ELP1: variants seen among roughly 807,000 people sequenced by gnomAD.
ELP1 encodes elongator acetyltransferase complex subunit 1.
ELP1 carries 131 observed loss-of-function variants against 183.2 expected under a neutral mutation model. The ratio of observed to expected loss-of-function variants is 0.72; its 90% CI spans 0.62 to 0.83. ELP1 has a LOEUF of 0.83. Ranked by LOEUF, ELP1 falls within the 40% of genes least tolerant of loss-of-function variation. ELP1 has a pLI of 0.00. For synonymous variants in ELP1, 555 were observed against 569.0 expected, an observed-to-expected ratio of 0.98 and a Z score of 0.35; for missense variants, 1,550 against 1,594.9, an observed-to-expected ratio of 0.97 and a Z score of 0.48.
intron 9 of ELP1, among the ~76,000 whole-genome samples, chr9:108,916,608 G>C (rs1039134036): frequency 6.6e-6 from 1 of 152,140 alleles, no homozygotes; most frequent in Non-Finnish European, 1.5e-5. Context: ...ACAACACAGA[G>C]ATAAGATGTA....
chr9:108,916,722 G>A (rs1312326531), intron 9 of ELP1, among the ~76,000 whole-genome samples: 3 of 152,142 alleles, frequency 2.0e-5, no homozygotes, highest in African/African-American at 7.2e-5. Context: ...AAAAATATAT[G>A]TAAGTATATA....
intron 27 of ELP1, 30 bp from the exon 28 acceptor site, chr9:108,891,434 A>G (rs751797192): frequency 6.3e-7 from 1 of 1,592,170 alleles, no homozygotes; most frequent in Non-Finnish European, 8.6e-7. Context: ...AGGACTGAGG[A>G]GGAAATATGA....
rs966574953 is a variant in ELP1 at position 108,898,661 on chromosome 9, A to G, written c.2283+10T>C. The stretch of plus-strand genomic sequence containing the variant: ...AGTAAGCTAGAGTAAATGACAGCTT[A>G]GAAAGTTACCTTAGGGTTATGATCA... On this transcript the variant is annotated intron_variant, in intron 21 of 36. Coordinates refer to ENST00000374647, the MANE Select transcript of ELP1 (RefSeq NM_003640.5). 3 of 1,610,446 alleles carry G rather than the reference A, an allele frequency of 1.9e-6. No homozygotes were observed. Among genetic ancestry groups the G allele is most frequent in the Middle Eastern group, 1.7e-4 (1 of 5,960 alleles).
chr9:108,882,041 A>G (rs2118946850), intron 30 of ELP1, 84 bp downstream of exon 30: 4 of 1,116,688 alleles, frequency 3.6e-6, no homozygotes, highest in Non-Finnish European at 5.5e-6. Context: ...ACCTCAGAAG[A>G]CAAGAGATTC....
Position 108,918,817 on chromosome 9 carries a change from G to A in ELP1, c.734C>T (p.Ala245Val). 2 of 1,613,138 alleles carry A rather than the reference G, an allele frequency of 1.2e-6. No individual in the cohort carries two copies. The part of the protein sequence containing the change: ...EPVAGLGPAL[A>V]WKPSGSLIAS... The stretch of plus-strand genomic sequence containing the variant: ...GGTTTCTTCTCCCACTCACTTCCAA[G>A]CCAGGGCTGGTCCCAGTCCTGCCAC... Residue 245 changes from alanine to valine, a missense_variant, in exon 8 of 37, where the codon GCT (alanine) becomes GTT (valine). By Grantham distance (64) the Ala-to-Val change is moderately conservative. Transcript: ENST00000374647.
At chr9:108,928,092 T>C (rs554400421) in intron 3 of ELP1, among the ~76,000 whole-genome samples, 2 of 152,370 alleles carry the variant, frequency 1.3e-5, no homozygotes, top group East Asian at 3.9e-4. Flanking sequence ...CTATTCTCCA[T>C]GATGTGGTTA....
chr9:108,888,486 A>G (rs1828209070), intron 29 of ELP1, among the ~76,000 whole-genome samples: 1 of 152,226 alleles, frequency 6.6e-6, no homozygotes, highest in Non-Finnish European at 1.5e-5. Flanking sequence ...CTTTACAAAG[A>G]AAAAAAGATA....
intron 12 of ELP1, among the ~76,000 whole-genome samples, chr9:108,910,198 G>A (rs893951257): frequency 6.6e-6 from 1 of 152,138 alleles, no homozygotes; most frequent in African/African-American, 2.4e-5. Flanking sequence ...AAGGAGGACT[G>A]TAACAGCATT....
chr9:108,892,073 C>T (rs1332821180), intron 27 of ELP1, among the ~76,000 whole-genome samples: 2 of 152,192 alleles, frequency 1.3e-5, no homozygotes, highest in Admixed American at 6.5e-5. Context: ...AGGAATACAA[C>T]ATGGAGTCCC....
At chr9:108,892,804 C>T (rs1828394258) in intron 27 of ELP1, among the ~76,000 whole-genome samples, 182 bp downstream of exon 27, 1 of 152,066 alleles carries the variant, frequency 6.6e-6, no homozygotes, top group African/African-American at 2.4e-5. Flanking sequence ...TGTGGTATTC[C>T]AGATGAGGAA....
rs376699949 is a variant in ELP1 at position 108,901,431 on chromosome 9, A to G, written c.2008T>C (p.Phe670Leu). The change falls in exon 18 of 37, where the codon TTT becomes CTT. Residue 670 changes from phenylalanine to leucine, a missense_variant. Transcript: ENST00000374647. ...CQCFCLRDAS[F>L]KTLQAGLSSN... ...TTATACATTGAAAACTTACTTTTAA[A>G]TGAAGCATCCCTCAGGCAAAAACAC... 1.8e-5 allele frequency: 29 copies of G among 1,608,748 alleles called. No homozygotes were observed. Among genetic ancestry groups the G allele is most frequent in the Non-Finnish European group, 2.5e-5 (29 of 1,175,140 alleles).
At chr9:108,926,633 G>T in intron 4 of ELP1, 30 bp from the exon 5 acceptor site, 1 of 1,578,828 alleles carries the variant, frequency 6.3e-7, no homozygotes, top group South Asian at 1.1e-5. Flanking sequence ...AAATGATTTT[G>T]TTTTCATGTA....
intron 14 of ELP1, 45 bp from the exon 15 acceptor site, chr9:108,903,714 C>G: frequency 1.5e-6 from 2 of 1,360,878 alleles, no homozygotes; most frequent in Non-Finnish European, 2.1e-6. Flanking sequence ...CCATTTTTCT[C>G]AAAAATAGTG....
At chr9:108,890,232 C>G (rs1465382179) in intron 28 of ELP1, among the ~76,000 whole-genome samples, 1 of 152,018 alleles carries the variant, frequency 6.6e-6, no homozygotes, top group Non-Finnish European at 1.5e-5. Flanking sequence ...GAATTCTCGA[C>G]ATTTGTAAAA....
At chr9:108,884,062 A>G (rs1828030800) in intron 29 of ELP1, among the ~76,000 whole-genome samples, 1 of 152,074 alleles carries the variant, frequency 6.6e-6, no homozygotes, top group Non-Finnish European at 1.5e-5. Context: ...TAAAGACTAC[A>G]TTCAGCTAGA....
At position 108,906,321 on chromosome 9, in the gene ELP1, T is replaced by C; in HGVS notation, c.1625A>G (p.His542Arg). ...GCAATACCTGACATTGAGCTGTCCA[T>C]GCTCTTCATCCATCTCAGAAGAAGC... Reference protein sequence around the residue: ...TAASSEMDEEHGQLNVSSSAA... With the variant: ...TAASSEMDEERGQLNVSSSAA... The change falls in exon 14 of 37, where the codon CAT becomes CGT. Residue 542 changes from histidine (H) to arginine (R), a missense_variant. By Grantham distance (29) the His-to-Arg change is conservative. Transcript: ENST00000374647. The C allele has an allele frequency of 1.2e-6, 2 of 1,614,008 alleles. No homozygotes were observed. The highest frequency in any genetic ancestry group is 1.7e-6 in the Non-Finnish European group (2 of 1,179,870).
At chr9:108,920,190 A>C (rs1482758577) in intron 6 of ELP1, among the ~76,000 whole-genome samples, 1 of 152,120 alleles carries the variant, frequency 6.6e-6, no homozygotes, top group South Asian at 2.1e-4. Flanking sequence ...ATTCTAGAAG[A>C]GTAGCTCATA....
chr9:108,897,261 C>T lies in ELP1; in HGVS notation c.2388G>A (p.Met796Ile). 1 of 1,614,122 alleles carries T rather than the reference C, an allele frequency of 6.2e-7. No homozygotes were observed. Among genetic ancestry groups the T allele is most frequent in the Non-Finnish European group, 8.5e-7 (1 of 1,180,028 alleles). The change falls in exon 23 of 37, where the codon ATG (methionine) becomes ATA (isoleucine). Residue 796 changes from methionine to isoleucine, a missense_variant. Transcript: ENST00000374647. ...ELKEEDVTKTMYPAPVTSSVY... is the reference protein window; with the variant it reads ...ELKEEDVTKTIYPAPVTSSVY... Reference sequence around the variant, plus strand: ...CACTGCTGGTAACTGGTGCAGGGTACATGGTCTTCGTGACATCTTCTTCTC... The same window carrying T: ...CACTGCTGGTAACTGGTGCAGGGTATATGGTCTTCGTGACATCTTCTTCTC...
intron 35 of ELP1, among the ~76,000 whole-genome samples, chr9:108,876,338 G>GAA (rs1363765549): frequency 1.3e-5 from 2 of 152,144 alleles, no homozygotes; most frequent in East Asian, 3.8e-4. Flanking sequence ...TTTCTTCTAA[G>GAA]AAATACCTAT....
Sources: gnomAD v4.1 joint callset for allele counts (sites outside exome capture counted in the v4.1 genomes callset) on GRCh38, gnomAD v4.1.1 for gene constraint, MANE v1.5 for transcripts, NCBI Gene and HGNC (gene_info 2026-07-23, HGNC 2026-07-21) for gene names.